Variants in SWAP70 observed in about 807,000 individuals in gnomAD.
The protein encoded by SWAP70 is switching B cell complex subunit SWAP70.
A neutral mutation model predicts 80.2 loss-of-function variants in SWAP70; 34 were observed. The ratio of observed to expected loss-of-function variants is 0.42; its 90% CI spans 0.32 to 0.56. The LOEUF is 0.56. SWAP70 is among the 20% of genes least tolerant of loss of function. The pLI, the probability that SWAP70 is intolerant of heterozygous loss-of-function variation, is 0.09. For missense variants in SWAP70, 578 were observed against 690.7 expected (o/e 0.84, Z 1.83); for synonymous variants, 239 against 238.5 (o/e 1.00, Z -0.02).
At chr11:9,715,717 G>A (rs1034767075) in intron 3 of SWAP70, among the ~76,000 whole-genome samples, 1 of 152,114 alleles carries the variant, frequency 6.6e-6, no homozygotes, top group Non-Finnish European at 1.5e-5. Context: ...TCGCTATTAC[G>A]AGAACAGCAC....
At chr11:9,732,426 G>A (rs1851309613) in intron 6 of SWAP70, 103 bp from the exon 7 acceptor site, 6 of 1,175,706 alleles carry the variant, frequency 5.1e-6, no homozygotes, top group Non-Finnish European at 7.3e-6. Context: ...TGGGCCTTCT[G>A]GCTCCCTGTC....
intron 2 of SWAP70, among the ~76,000 whole-genome samples, chr11:9,710,657 C>CT (rs1468165072): frequency 1.5e-4 from 21 of 141,186 alleles, no homozygotes; most frequent in African/African-American, 2.9e-4. Context: ...CAGGATATGG[C>CT]TTTTTTTTTT....
chr11:9,741,559 G>C (rs773774110), intron 9 of SWAP70: 2 of 152,182 alleles, frequency 1.3e-5, no homozygotes, highest in Non-Finnish European at 2.9e-5. Flanking sequence ...AATTTGAGCC[G>C]TGTTGAGAGT....
chr11:9,712,641 G>C (rs1033921090), intron 2 of SWAP70, among the ~76,000 whole-genome samples: 1 of 152,034 alleles, frequency 6.6e-6, no homozygotes, highest in African/African-American at 2.4e-5. Flanking sequence ...AGATGCTGAG[G>C]AAACACTGGA....
At chr11:9,744,877 TCAAAAAAGAAAAAAA>T (rs1302970710) in intron 9 of SWAP70, among the ~76,000 whole-genome samples, 1 of 151,944 alleles carries the variant, frequency 6.6e-6, no homozygotes, top group Non-Finnish European at 1.5e-5. Flanking sequence ...CCAGCCTGTC[TCAAAAAAGAAAAAAA>T]CAAAAAAGAA....
At chr11:9,724,613 A>C in intron 3 of SWAP70, 45 bp from the exon 4 acceptor site, 5 of 1,440,612 alleles carry the variant, frequency 3.5e-6, no homozygotes, top group Non-Finnish European at 4.8e-6. Context: ...ACTATGTTAA[A>C]GTTTTTTTTA....
chr11:9,701,618 T>TA (rs35536132), intron 2 of SWAP70, among the ~76,000 whole-genome samples: 70,631 of 138,756 alleles, frequency 0.51, 18,692 homozygotes, highest in Non-Finnish European at 0.6. Flanking sequence ...CCTTGTCTGT[T>TA]AAAAAAAAAA....
chr11:9,721,745 G>C (rs1432644058), intron 3 of SWAP70, among the ~76,000 whole-genome samples: 1 of 152,078 alleles, frequency 6.6e-6, no homozygotes, highest in Non-Finnish European at 1.5e-5. Flanking sequence ...AGGGATTACA[G>C]GCTTGAGCCA....
At chr11:9,703,481 A>C in intron 2 of SWAP70, 1 of 456,204 alleles carries the variant, frequency 2.2e-6, no homozygotes, top group Non-Finnish European at 4.4e-6. Flanking sequence ...AATGCAGCGA[A>C]TTTTTGTTGA....
chr11:9,749,746 A>G (rs1285374673), intron 11 of SWAP70, 118 bp from the exon 12 acceptor site: 2 of 642,252 alleles, frequency 3.1e-6, no homozygotes, highest in Non-Finnish European at 2.7e-6. Context: ...TATGACATTT[A>G]TGCATGTTCC....
intron 1 of SWAP70, among the ~76,000 whole-genome samples, chr11:9,671,565 T>G: frequency 1.4e-5 from 1 of 71,224 alleles, no homozygotes; most frequent in African/African-American, 4.9e-5. Flanking sequence ...TATATAAATA[T>G]ATTTATATAG....
intron 3 of SWAP70, chr11:9,720,018 T>A: frequency 1.0e-6 from 1 of 973,076 alleles, no homozygotes; most frequent in Non-Finnish European, 1.2e-6. Context: ...TGGTGAAACT[T>A]GCTTGGAAGG....
At position 9,713,307 on chromosome 11, in the gene SWAP70, G is replaced by A. The variant is rs138983386; in HGVS notation, c.241-159G>A. On this transcript the variant is annotated intron_variant, in intron 2 of 11. Transcript: ENST00000318950. ...AATGTAACATCTTAATTGAGCCACT[G>A]AAAGTGTAATACCTAAAGCAAATAT... 9.0e-3 allele frequency among the ~76,000 whole-genome samples: 1,367 copies of A among 152,374 alleles called. 10 individuals carry two copies. The highest frequency in any genetic ancestry group is 0.015 in the African/African-American group (634 of 41,592).
chr11:9,714,872 G>A (rs892307495), intron 3 of SWAP70, among the ~76,000 whole-genome samples: 2 of 148,978 alleles, frequency 1.3e-5, no homozygotes, highest in African/African-American at 5.0e-5. Context: ...TAGTGCAATG[G>A]CGCAATCTCG....
At chr11:9,668,614 G>A (rs906542820) in intron 1 of SWAP70, among the ~76,000 whole-genome samples, 1 of 152,198 alleles carries the variant, frequency 6.6e-6, no homozygotes, top group Non-Finnish European at 1.5e-5. Flanking sequence ...TCTACTATGT[G>A]TAAGGTACCA....
chr11:9,669,059 CAG>C (rs1159960088), intron 1 of SWAP70, among the ~76,000 whole-genome samples: 1 of 152,060 alleles, frequency 6.6e-6, no homozygotes, highest in African/African-American at 2.4e-5. Flanking sequence ...AGGTAACAAA[CAG>C]AAATATTGGG....
At chr11:9,700,927 G>GT (rs1850822843) in intron 2 of SWAP70, among the ~76,000 whole-genome samples, 1 of 151,948 alleles carries the variant, frequency 6.6e-6, no homozygotes, top group Non-Finnish European at 1.5e-5. Context: ...ATTTTGGTCA[G>GT]TTTTTTTCAG....
chr11:9,687,990 G>A (rs186258108), intron 1 of SWAP70, among the ~76,000 whole-genome samples: 13 of 152,288 alleles, frequency 8.5e-5, no homozygotes, highest in Admixed American at 8.5e-4. Flanking sequence ...CCAGCACAGG[G>A]CATCACTGTG....
intron 1 of SWAP70, among the ~76,000 whole-genome samples, chr11:9,665,294 A>G (rs2134408631): frequency 6.6e-6 from 1 of 152,322 alleles, no homozygotes; most frequent in Non-Finnish European, 1.5e-5. Flanking sequence ...GTAGGACTTA[A>G]CATTCTCCTT....
Sources: allele counts gnomAD v4.1 joint callset (sites outside exome capture counted in the v4.1 genomes callset), GRCh38; gene constraint gnomAD v4.1.1; transcripts MANE v1.5; gene names NCBI Gene and HGNC (gene_info 2026-07-23, HGNC 2026-07-21).